Variants in ATP7A observed in about 807,000 individuals in gnomAD.
The protein encoded by ATP7A is copper-transporting ATPase 1.
A neutral mutation model predicts 83.5 loss-of-function variants in ATP7A; 7 were observed. The observed-to-expected ratio is 0.08, with a 90% CI of 0.05 to 0.16. ATP7A has a LOEUF of 0.16. Ranked by LOEUF, ATP7A falls within the 10% of genes least tolerant of loss-of-function variation. The pLI is 1.00. For synonymous variants in ATP7A, 354 were observed against 395.2 expected (o/e 0.90, Z 1.24); for missense variants, 940 against 1,120.8 (o/e 0.84, Z 2.30).
intron 1 of ATP7A, among the ~76,000 whole-genome samples, chrX:77,934,279 G>C (rs782001920): frequency 1.8e-5 from 2 of 110,962 alleles, no homozygotes. Context: ...TTAGCTGGGC[G>C]TGGTGGCACA....
intron 1 of ATP7A, among the ~76,000 whole-genome samples, chrX:77,948,196 G>C (rs1333392806): frequency 9.3e-6 from 1 of 108,076 alleles, no homozygotes; most frequent in Non-Finnish European, 1.9e-5. Flanking sequence ...GCACGATCTC[G>C]ACTCACTGCA....
intron 1 of ATP7A, among the ~76,000 whole-genome samples, chrX:77,932,554 G>T (rs932067256): frequency 8.9e-6 from 1 of 112,152 alleles, no homozygotes; most frequent in South Asian, 3.6e-4. Flanking sequence ...CAAGGCAGGC[G>T]GCTGGGAGGT....
intron 1 of ATP7A, among the ~76,000 whole-genome samples, chrX:77,937,866 TTCTC>T (rs1326169199): frequency 2.0e-4 from 20 of 100,425 alleles, no homozygotes; most frequent in African/African-American, 3.3e-4. Flanking sequence ...GATGGGATGG[TTCTC>T]TCTCTCTCTC....
rs1471890536 is a variant in ATP7A at position 77,989,612 on chromosome X, C to A, written c.990C>A (p.Ser330=). Reference sequence around the variant, plus strand: ...ATGCAAGCTCAGTCACTCCAGAATCCCTGAGAAAAGCAATAGAGGCTGTAT... The same window carrying A: ...ATGCAAGCTCAGTCACTCCAGAATCACTGAGAAAAGCAATAGAGGCTGTAT... ...KYNASSVTPE[S]LRKAIEAVSP... Residue 330 remains serine, a synonymous_variant, in exon 4 of 23, where the codon TCC becomes TCA. Coordinates refer to ENST00000341514, the MANE Select transcript of ATP7A (RefSeq NM_000052.7). The A allele has an allele frequency of 8.3e-7, 1 of 1,209,677 alleles. No individual in the cohort carries two copies. Among genetic ancestry groups the A allele is most frequent in the African/African-American group, 1.7e-5 (1 of 57,165 alleles).
chrX:77,919,426 T>G (rs2077200267), intron 1 of ATP7A, among the ~76,000 whole-genome samples: 1 of 112,349 alleles, frequency 8.9e-6, no homozygotes, highest in African/African-American at 3.2e-5. Flanking sequence ...TCCTAATCAC[T>G]TCCCTTTTGG....
At chrX:78,044,573 C>T (rs782346161) in intron 21 of ATP7A, among the ~76,000 whole-genome samples, 75 of 111,453 alleles carry the variant, frequency 6.7e-4, no homozygotes, top group African/African-American at 2.4e-3. Flanking sequence ...TGTCTTGTTA[C>T]ATAGTTGTGA....
At chrX:77,915,261 G>A (rs981825351) in intron 1 of ATP7A, among the ~76,000 whole-genome samples, 4 of 110,289 alleles carry the variant, frequency 3.6e-5, no homozygotes, top group Non-Finnish European at 7.6e-5. Flanking sequence ...GCTGCAGTGA[G>A]CTGAGATCAC....
At chrX:77,942,911 C>T (rs1026641675) in intron 1 of ATP7A, among the ~76,000 whole-genome samples, 2 of 111,483 alleles carry the variant, frequency 1.8e-5, no homozygotes, top group Non-Finnish European at 3.8e-5. Context: ...CAGTTTCAAG[C>T]GATTCTTGAT....
chrX:77,984,257 C>T (rs1355811978), intron 2 of ATP7A, among the ~76,000 whole-genome samples: 1 of 110,827 alleles, frequency 9.0e-6, no homozygotes, highest in Non-Finnish European at 1.9e-5. Context: ...TTGCTCATCA[C>T]TGTATCTCTA....
intron 4 of ATP7A, among the ~76,000 whole-genome samples, chrX:77,998,197 C>T (rs1167124013): frequency 8.9e-6 from 1 of 111,984 alleles, no homozygotes; most frequent in Admixed American, 9.5e-5. Context: ...TAACAAACTA[C>T]TCTGTCTCTC....
chrX:78,013,071 G>A lies in ATP7A; in HGVS notation c.2365G>A (p.Val789Met), dbSNP rs781834675. The change falls in exon 10 of 23, where the codon GTG (valine) becomes ATG (methionine). Residue 789 changes from valine to methionine, a missense_variant. Physicochemically the swap from Val to Met is conservative, Grantham distance 21. Coordinates refer to ENST00000341514, the MANE Select transcript of ATP7A (RefSeq NM_000052.7). The part of the protein sequence containing the change: ...TFFDTPPMLF[V>M]FIALGRWLEH... The stretch of plus-strand genomic sequence containing the variant: ...CTTTGACACACCCCCTATGCTGTTT[G>A]TGTTTATTGCACTAGGCCGATGGCT... 5.0e-6 allele frequency: 6 copies of A among 1,210,984 alleles called. No homozygotes were observed. The highest frequency in any genetic ancestry group is 6.7e-6 in the Non-Finnish European group (6 of 894,810).
At chrX:77,936,137 A>G (rs1212731195) in intron 1 of ATP7A, among the ~76,000 whole-genome samples, 2 of 111,911 alleles carry the variant, frequency 1.8e-5, no homozygotes, top group African/African-American at 6.5e-5. Context: ...AGAAGCTAAT[A>G]TAGTATCTTC....
At chrX:78,019,613 G>A (rs1603386842) in intron 12 of ATP7A, among the ~76,000 whole-genome samples, 1 of 110,759 alleles carries the variant, frequency 9.0e-6, no homozygotes, top group Non-Finnish European at 1.9e-5. Flanking sequence ...GACTACAGGC[G>A]CATGCCACCA....
At position 77,989,347 on chromosome X, in the gene ATP7A, C is replaced by G; in HGVS notation, c.725C>G (p.Pro242Arg). 1 of 1,211,054 alleles carries G rather than the reference C, an allele frequency of 8.3e-7. No individual in the cohort carries two copies. The highest frequency in any genetic ancestry group is 1.1e-6 in the Non-Finnish European group (1 of 895,288). The change falls in exon 4 of 23, where the codon CCC (proline) becomes CGC (arginine). Residue 242 changes from proline (P) to arginine (R), a missense_variant. Pro to Arg is a moderately radical substitution (Grantham distance 103, BLOSUM62 -2). Coordinates refer to ENST00000341514, the MANE Select transcript of ATP7A (RefSeq NM_000052.7). ...MGFPAFVKKQ[P>R]KYLKLGAIDV... ...TTTCCAGCATTTGTCAAAAAGCAGC[C>G]CAAGTACCTCAAATTGGGAGCTATT...
chrX:77,948,290 G>C (rs187103809), intron 1 of ATP7A, among the ~76,000 whole-genome samples: 2 of 108,516 alleles, frequency 1.8e-5, no homozygotes, highest in Non-Finnish European at 3.8e-5. Flanking sequence ...ACTACGCCCC[G>C]CTAATGTTTT....
At chrX:77,947,294 A>G (rs1451010372) in intron 1 of ATP7A, among the ~76,000 whole-genome samples, 1 of 111,602 alleles carries the variant, frequency 9.0e-6, no homozygotes, top group Admixed American at 9.6e-5. Context: ...TTTAATAGGT[A>G]CAAAATTTGA....
At chrX:77,922,357 A>G (rs180806669) in intron 1 of ATP7A, among the ~76,000 whole-genome samples, 171 of 110,481 alleles carry the variant, frequency 1.5e-3, no homozygotes, top group African/African-American at 5.3e-3. Context: ...ATAAAAAATT[A>G]GCTGGGCATG....
chrX:77,932,553 C>A (rs1384758896), intron 1 of ATP7A, among the ~76,000 whole-genome samples: 2 of 109,677 alleles, frequency 1.8e-5, no homozygotes, highest in Non-Finnish European at 3.8e-5. Context: ...CCAAGGCAGG[C>A]GGCTGGGAGG....
intron 14 of ATP7A, among the ~76,000 whole-genome samples, chrX:78,025,805 A>C (rs1372907654): frequency 9.0e-6 from 1 of 111,307 alleles, no homozygotes; most frequent in African/African-American, 3.3e-5. Context: ...GAAAAAAAAA[A>C]CTGGCAACCA....
Sources: allele counts gnomAD v4.1 joint callset (sites outside exome capture counted in the v4.1 genomes callset), GRCh38; gene constraint gnomAD v4.1.1; transcripts MANE v1.5; gene names NCBI Gene and HGNC (gene_info 2026-07-23, HGNC 2026-07-21).